Variants in CDH13 observed in about 807,000 individuals in gnomAD.
The protein encoded by CDH13 is cadherin 13, also known as cadherin-13.
A neutral mutation model predicts 63.8 loss-of-function variants in CDH13; 24 were observed. The observed-to-expected ratio is 0.38, with a 90% CI of 0.27 to 0.53. CDH13 has a LOEUF of 0.53. CDH13 is among the 20% of genes least tolerant of loss of function. The pLI is 0.85. For missense variants in CDH13, 1,049 were observed against 903.1 expected (o/e 1.16, Z -2.07); for synonymous variants, 503 against 355.3 (o/e 1.42, Z -4.67).
At chr16:82,907,963 A>G (rs1047035079) in intron 2 of CDH13, among the ~76,000 whole-genome samples, 2 of 152,184 alleles carry the variant, frequency 1.3e-5, no homozygotes, top group African/African-American at 4.8e-5. Flanking sequence ...CTACTGTCTT[A>G]AATATACTGG....
At chr16:83,075,163 T>C (rs2032738096) in intron 3 of CDH13, among the ~76,000 whole-genome samples, 3 of 152,158 alleles carry the variant, frequency 2.0e-5, no homozygotes, top group Admixed American at 6.5e-5. Context: ...ACAGTGGAAG[T>C]CTTTCCATGA....
At chr16:83,126,696 G>GT (rs2035825844) in intron 4 of CDH13, among the ~76,000 whole-genome samples, 1 of 152,180 alleles carries the variant, frequency 6.6e-6, no homozygotes, top group Non-Finnish European at 1.5e-5. Context: ...GGAACTTACT[G>GT]TATCAGACAT....
chr16:82,745,311 A>G (rs757909357), intron 1 of CDH13, among the ~76,000 whole-genome samples: 7 of 152,196 alleles, frequency 4.6e-5, no homozygotes, highest in Admixed American at 1.3e-4. Flanking sequence ...TTAAAGATAC[A>G]ACGTGTAACT....
At chr16:83,419,314 T>C (rs1040259107) in intron 6 of CDH13, among the ~76,000 whole-genome samples, 6 of 152,192 alleles carry the variant, frequency 3.9e-5, no homozygotes, top group African/African-American at 1.4e-4. Context: ...TGCTGAATAA[T>C]TGGTACTCAG....
intron 5 of CDH13, among the ~76,000 whole-genome samples, chr16:83,333,321 G>T (rs953591540): frequency 2.0e-5 from 3 of 152,156 alleles, no homozygotes; most frequent in Non-Finnish European, 2.9e-5. Flanking sequence ...AATAGGAATT[G>T]AATCTAGTAT....
chr16:83,543,780 A>G (rs1240630802), intron 7 of CDH13, among the ~76,000 whole-genome samples: 2 of 152,184 alleles, frequency 1.3e-5, no homozygotes, highest in Admixed American at 6.5e-5. Flanking sequence ...TGAACATCCT[A>G]CAGTACATAA....
At chr16:83,602,620 C>T in intron 8 of CDH13, 26 bp downstream of exon 8, 1 of 1,612,782 alleles carries the variant, frequency 6.2e-7, no homozygotes, top group South Asian at 1.1e-5. Context: ...AAACACCAAC[C>T]ACCACTGTGG....
intron 6 of CDH13, among the ~76,000 whole-genome samples, chr16:83,374,119 T>C (rs1457578657): frequency 1.3e-5 from 2 of 152,212 alleles, no homozygotes; most frequent in East Asian, 3.8e-4. Context: ...TTATATGTTC[T>C]TGCTGCTGTT....
chr16:83,033,872 C>G (rs985532741), intron 3 of CDH13, among the ~76,000 whole-genome samples: 28 of 152,168 alleles, frequency 1.8e-4, no homozygotes, highest in Non-Finnish European at 5.9e-5. Context: ...CTAGCCTTCT[C>G]TCCTACCTGC....
chr16:83,084,682 A>G (rs1347924888), intron 3 of CDH13, among the ~76,000 whole-genome samples: 1 of 152,080 alleles, frequency 6.6e-6, no homozygotes, highest in Non-Finnish European at 1.5e-5. Flanking sequence ...TGAGGTTAGG[A>G]GTTTGAGACC....
intron 2 of CDH13, among the ~76,000 whole-genome samples, chr16:83,004,784 T>C (rs1485273740): frequency 6.6e-6 from 1 of 152,204 alleles, no homozygotes; most frequent in Non-Finnish European, 1.5e-5. Context: ...TGAGCTACTG[T>C]GCCACCCAGC....
chr16:83,095,447 TG>T (rs1946873463), intron 3 of CDH13, among the ~76,000 whole-genome samples: 2 of 152,234 alleles, frequency 1.3e-5, no homozygotes, highest in Admixed American at 1.3e-4. Flanking sequence ...TTCTCCCAAA[TG>T]GGATGAATCA....
chr16:83,378,585 A>C (rs923301754), intron 6 of CDH13, among the ~76,000 whole-genome samples: 1 of 152,180 alleles, frequency 6.6e-6, no homozygotes, highest in Admixed American at 6.5e-5. Context: ...AATGCAGCAC[A>C]GTGGAGTGAT....
At chr16:83,271,502 A>G (rs1172806061) in intron 5 of CDH13, among the ~76,000 whole-genome samples, 1 of 18,454 alleles carries the variant, frequency 5.4e-5, no homozygotes, top group Non-Finnish European at 1.2e-4. Flanking sequence ...CTTTTATTTA[A>G]AAAAAAACAA....
chr16:83,759,101 G>T (rs1420369396), intron 11 of CDH13, among the ~76,000 whole-genome samples: 1 of 152,172 alleles, frequency 6.6e-6, no homozygotes, highest in East Asian at 1.9e-4. Flanking sequence ...CAATCTTGAA[G>T]AATAAGTTGT....
chr16:83,396,963 C>G (rs2091896065), intron 6 of CDH13, among the ~76,000 whole-genome samples: 1 of 152,188 alleles, frequency 6.6e-6, no homozygotes, highest in African/African-American at 2.4e-5. Flanking sequence ...AATCAGATAA[C>G]TTGCCCATGG....
chr16:83,607,573 C>T (rs938669291), intron 8 of CDH13, among the ~76,000 whole-genome samples: 3 of 152,180 alleles, frequency 2.0e-5, no homozygotes, highest in Non-Finnish European at 4.4e-5. Flanking sequence ...TGAACGCTTC[C>T]TGAAGATAAT....
At chr16:83,777,139 C>T (rs1915174876) in intron 11 of CDH13, among the ~76,000 whole-genome samples, 1 of 152,196 alleles carries the variant, frequency 6.6e-6, no homozygotes. Context: ...CATGGCTGGT[C>T]CGCCTGCCTG....
chr16:83,306,347 T>A (rs1463096325), intron 5 of CDH13, among the ~76,000 whole-genome samples: 1 of 152,134 alleles, frequency 6.6e-6, no homozygotes, highest in African/African-American at 2.4e-5. Context: ...GGTGTTTGGC[T>A]TATAGGGGCA....
Sources: gnomAD v4.1 joint callset for allele counts (sites outside exome capture counted in the v4.1 genomes callset) on GRCh38, gnomAD v4.1.1 for gene constraint, MANE v1.5 for transcripts, NCBI Gene and HGNC (gene_info 2026-07-23, HGNC 2026-07-21) for gene names.